The following ITGAV variants were observed in gnomAD, a reference collection of about 807,000 sequenced individuals.
The protein encoded by ITGAV is integrin subunit alpha V.
In ITGAV, 76 loss-of-function variants were observed where a neutral mutation model predicts 143.8. That is an observed-to-expected ratio of 0.53 (90% confidence interval 0.44 to 0.64). The LOEUF (loss-of-function observed/expected upper bound fraction) is 0.64. Among genes scored for constraint, ITGAV ranks in the 30% least tolerant of loss-of-function variants. The pLI, the probability that ITGAV is intolerant of heterozygous loss-of-function variation, is 0.00. For missense variants in ITGAV, 1,193 were observed against 1,274.7 expected (o/e 0.94, Z 0.98); for synonymous variants, 453 against 446.7 (o/e 1.01, Z -0.18).
At chr2:186,600,265 T>A in intron 1 of ITGAV, 4 of 1,410,422 alleles carry the variant, frequency 2.8e-6, no homozygotes, top group Non-Finnish European at 3.9e-6. Context: ...CTGCCTCACA[T>A]ATTCCCTCCA....
rs1172432119 is a variant in ITGAV, at chr2:186,680,534, A to G, written c.*3242A>G. On this transcript the variant is annotated 3_prime_UTR_variant, in exon 30 of 30. Coordinates refer to ENST00000261023, the MANE Select transcript of ITGAV (RefSeq NM_002210.5). ...TTGTCATTAATTTAGTAAGCCTAAT[A>G]TAAACAAATATTTGTATTATTTTTG... 6.6e-6 allele frequency: 1 copy of G among 152,576 alleles called. No homozygotes were observed. Among genetic ancestry groups the G allele is most frequent in the Non-Finnish European group, 1.5e-5 (1 of 67,986 alleles). The allele number at this position is 152,576 out of a possible 1,614,324, so 9.5% of individuals were successfully genotyped here. A position where few individuals can be genotyped will look rare whatever the true frequency, so the allele number is the denominator to read the frequency against.
intron 28 of ITGAV, chr2:186,676,408 C>T (rs549296349): frequency 8.4e-4 from 144 of 171,290 alleles, no homozygotes; most frequent in African/African-American, 3.4e-3. Context: ...TCAAGACCAG[C>T]CTGGCCAACA....
intron 6 of ITGAV, among the ~76,000 whole-genome samples, chr2:186,634,868 A>AG (rs1406181099): frequency 6.6e-6 from 1 of 152,152 alleles, no homozygotes; most frequent in African/African-American, 2.4e-5. Context: ...GTGGAGGGGA[A>AG]GGAAGTATCT....
At chr2:186,658,995 T>G in intron 17 of ITGAV, 43 bp from the exon 18 acceptor site, 1 of 1,511,360 alleles carries the variant, frequency 6.6e-7, no homozygotes, top group African/African-American at 1.4e-5. Flanking sequence ...TCCAGATAAT[T>G]TAGGTTGACG....
chr2:186,593,659 T>C (rs903698487), intron 1 of ITGAV, among the ~76,000 whole-genome samples: 1 of 152,004 alleles, frequency 6.6e-6, no homozygotes, highest in Non-Finnish European at 1.5e-5. Context: ...TAAGCACTTA[T>C]ATCTCATTTC....
chr2:186,662,422 T>C (rs1056879094), intron 18 of ITGAV, among the ~76,000 whole-genome samples: 3 of 152,220 alleles, frequency 2.0e-5, no homozygotes, highest in African/African-American at 7.2e-5. Flanking sequence ...CTTGCAAGCC[T>C]CATGTGGCTT....
chr2:186,673,690 G>T (rs1283726482), intron 26 of ITGAV, among the ~76,000 whole-genome samples: 1 of 151,656 alleles, frequency 6.6e-6, no homozygotes, highest in East Asian at 1.9e-4. Flanking sequence ...TTTTCAGAAG[G>T]AGTTTTTGCT....
At chr2:186,625,419 A>C in intron 3 of ITGAV, 54 bp from the exon 4 acceptor site, 1 of 1,154,626 alleles carries the variant, frequency 8.7e-7, no homozygotes, top group Non-Finnish European at 1.3e-6. Context: ...AGAGCATCTG[A>C]AACACTAAAT....
intron 19 of ITGAV, 90 bp downstream of exon 19, chr2:186,663,925 A>G: frequency 1.2e-6 from 1 of 858,556 alleles, no homozygotes; most frequent in Non-Finnish European, 1.9e-6. Context: ...TTTAACGAGA[A>G]TTAGTTATCC....
chr2:186,625,692 A>G, intron 4 of ITGAV, 105 bp downstream of exon 4: 1 of 574,196 alleles, frequency 1.7e-6, no homozygotes, highest in Non-Finnish European at 3.1e-6. Context: ...AGAGAGAGAT[A>G]TTAAAAGATA....
chr2:186,663,358 A>G (rs1029923248), intron 18 of ITGAV, among the ~76,000 whole-genome samples: 1 of 152,184 alleles, frequency 6.6e-6, no homozygotes, highest in Non-Finnish European at 1.5e-5. Context: ...GGCACAGTCC[A>G]TAATGAGAAA....
At chr2:186,645,749 C>T (rs1319698326) in intron 12 of ITGAV, among the ~76,000 whole-genome samples, 3 of 151,804 alleles carry the variant, frequency 2.0e-5, no homozygotes, top group South Asian at 2.1e-4. Flanking sequence ...GTGTGGATCA[C>T]GAGGTCAGGA....
At position 186,646,657 on chromosome 2, in the gene ITGAV, C is replaced by T. The variant is rs1433804881; in HGVS notation, c.1160-29C>T. 2.6e-6 allele frequency: 4 copies of T among 1,529,172 alleles called. No homozygotes were observed. The South Asian group carries it at 4.9e-5, about 19-fold the overall frequency. 94.7% of individuals were successfully genotyped at this position (1,529,172 alleles called of 1,614,324 possible). On this transcript the variant is annotated intron_variant, in intron 12 of 29. Coordinates refer to ENST00000261023, the MANE Select transcript of ITGAV (RefSeq NM_002210.5). The stretch of plus-strand genomic sequence containing the variant: ...TCCTCCTCCTTACTTCTGTCATTCT[C>T]CTTCCCCCTCCTCTTTTTTTCCCCA...
chr2:186,671,884 G>A (rs1007809639), intron 26 of ITGAV, among the ~76,000 whole-genome samples: 1 of 150,180 alleles, frequency 6.7e-6, no homozygotes. Context: ...GGCCTTTTGT[G>A]TCTAGCCTTC....
intron 12 of ITGAV, among the ~76,000 whole-genome samples, chr2:186,644,657 G>T (rs559309828): frequency 1.8e-4 from 27 of 152,184 alleles, no homozygotes; most frequent in African/African-American, 6.5e-4. Context: ...AGGATAAAAA[G>T]AATACTTTTA....
chr2:186,595,398 G>A lies in ITGAV; in HGVS notation c.185+4875G>A, dbSNP rs562721435. 2.6e-5 allele frequency among the ~76,000 whole-genome samples: 4 copies of A among 152,240 alleles called. No homozygotes were observed. The South Asian group carries it at 8.3e-4, about 32-fold the overall frequency. ...TGCCCTTCAAGTACAGTTTGGATAG[G>A]GAGTGCATCCAAAGGCCATCCTCCT... On this transcript the variant is annotated intron_variant, in intron 1 of 29. Transcript: ENST00000261023.
rs2230616 is a variant in ITGAV at position 186,667,690 on chromosome 2, G to A, written c.2347G>A (p.Val783Ile). The change falls in exon 24 of 30, where the codon GTC becomes ATC. Residue 783 changes from valine (V) to isoleucine (I), a missense_variant. Val to Ile is a conservative substitution (Grantham distance 29). Transcript: ENST00000261023. ...GTTTAGAGTCTCGAGTCCTGATCAT[G>A]TCTTTCTTCCGATTCCAAACTGGGA... ...EIRGVSSPDH[V>I]FLPIPNWEHK... The A allele has an allele frequency of 1, 1,605,114 of 1,607,306 alleles. 801,481 individuals carry two copies. The highest frequency in any genetic ancestry group is 1 in the Middle Eastern group (6,036 of 6,036).
chr2:186,658,954 G>T (rs1688663695), intron 17 of ITGAV, 84 bp from the exon 18 acceptor site: 1 of 952,584 alleles, frequency 1.0e-6, no homozygotes, highest in Non-Finnish European at 1.6e-6. Flanking sequence ...GATGAATACA[G>T]CTGGCTTTGT....
chr2:186,611,305 C>T (rs1220545724), intron 2 of ITGAV, among the ~76,000 whole-genome samples: 1 of 152,142 alleles, frequency 6.6e-6, no homozygotes, highest in African/African-American at 2.4e-5. Flanking sequence ...GTGTCAGTTT[C>T]TGGGAATTAG....
Sources: allele counts gnomAD v4.1 joint callset (sites outside exome capture counted in the v4.1 genomes callset), GRCh38; gene constraint gnomAD v4.1.1; transcripts MANE v1.5; gene names NCBI Gene and HGNC (gene_info 2026-07-23, HGNC 2026-07-21).